The following PCDHA2 variants were observed in gnomAD, a reference collection of about 807,000 sequenced individuals.
PCDHA2 encodes the protein protocadherin alpha 2.
A neutral mutation model predicts 66.0 loss-of-function variants in PCDHA2; 58 were observed. The ratio of observed to expected loss-of-function variants is 0.88; its 90% CI spans 0.71 to 1.09. The LOEUF is 1.09. Among genes scored for constraint, PCDHA2 ranks in the 50% least tolerant of loss-of-function variants. The pLI is 0.00. For synonymous variants in PCDHA2, 634 were observed against 554.0 expected (o/e 1.14, Z -2.03); for missense variants, 1,267 against 1,242.3 (o/e 1.02, Z -0.30).
Position 140,796,973 on chromosome 5 carries a change from T to A in PCDHA2, c.2009T>A (p.Val670Glu). 3 of 1,613,656 alleles carry A rather than the reference T, an allele frequency of 1.9e-6. No individual in the cohort carries two copies. Among genetic ancestry groups the A allele is most frequent in the Non-Finnish European group, 1.7e-6 (2 of 1,179,930 alleles). ...ACGGCCACCGTGTTAGTGTCGTTGGTGGAAAGTGGCCAGGCACCCAAGGCC... is the reference window on the plus strand; with the variant it reads ...ACGGCCACCGTGTTAGTGTCGTTGGAGGAAAGTGGCCAGGCACCCAAGGCC... ...TATATVLVSL[V>E]ESGQAPKASS... The change falls in exon 1 of 4, where the codon GTG (valine) becomes GAG (glutamate). Residue 670 changes from valine to glutamate, a missense_variant. Coordinates refer to ENST00000526136, the MANE Select transcript of PCDHA2 (RefSeq NM_018905.3).
In PCDHA2 at chr5:140,851,131, G is replaced by T. The variant is rs2041968794; in HGVS notation, c.2388+53779G>T. The T allele has an allele frequency of 4.6e-6, 6 of 1,310,148 alleles. No individual in the cohort carries two copies. In the East Asian group the frequency reaches 1.6e-4, roughly 35 times the overall value. The allele number at this position is 1,310,148 out of a possible 1,614,324, so 81.2% of individuals were successfully genotyped here. ...CTGAATCAATTTTATTTAAATTTGT[G>T]ATTAAAGTGACATTGAATTTCTGAT... On this transcript the variant is annotated intron_variant, in intron 1 of 3. Coordinates refer to ENST00000526136, the MANE Select transcript of PCDHA2 (RefSeq NM_018905.3).
intron 1 of PCDHA2, among the ~76,000 whole-genome samples, chr5:140,894,090 C>T (rs1554185919): frequency 6.6e-6 from 1 of 152,154 alleles, no homozygotes; most frequent in African/African-American, 2.4e-5. Flanking sequence ...CCAGTATCTT[C>T]TAGCTCCTGG....
At chr5:141,007,030 A>G (rs1554261014) in intron 3 of PCDHA2, among the ~76,000 whole-genome samples, 1 of 152,186 alleles carries the variant, frequency 6.6e-6, no homozygotes, top group African/African-American at 2.4e-5. Flanking sequence ...TATGGTATTT[A>G]TATCTATGGA....
intron 1 of PCDHA2, chr5:140,927,902 C>T (rs782319959): frequency 1.5e-5 from 25 of 1,614,182 alleles, no homozygotes; most frequent in Non-Finnish European, 2.1e-5. Flanking sequence ...AACGATCATG[C>T]CCCCGAACTG....
chr5:140,850,629 G>C, intron 1 of PCDHA2: 1 of 1,598,736 alleles, frequency 6.3e-7, no homozygotes, highest in South Asian at 1.1e-5. Flanking sequence ...TAGCCTGTTG[G>C]TTCTCACGCT....
chr5:140,930,798 G>T (rs1339622831), intron 1 of PCDHA2, among the ~76,000 whole-genome samples: 1 of 152,094 alleles, frequency 6.6e-6, no homozygotes, highest in Non-Finnish European at 1.5e-5. Flanking sequence ...ATAGAATCCA[G>T]CATATAAGAT....
chr5:140,849,581 C>A, intron 1 of PCDHA2: 7 of 1,598,698 alleles, frequency 4.4e-6, no homozygotes, highest in African/African-American at 2.7e-5. Flanking sequence ...TAAAAGAGGA[C>A]GCACAACTGG....
chr5:140,827,196 A>C (rs2150146637), intron 1 of PCDHA2, among the ~76,000 whole-genome samples: 11 of 152,334 alleles, frequency 7.2e-5, no homozygotes, highest in Non-Finnish European at 1.3e-4. Context: ...AAAACTTGGA[A>C]GTGAGTGAGA....
At chr5:140,869,323 C>T in intron 1 of PCDHA2, 1 of 1,613,864 alleles carries the variant, frequency 6.2e-7, no homozygotes, top group South Asian at 1.1e-5. Flanking sequence ...ACATGGGGAC[C>T]TTCTGGAGGT....
In PCDHA2 at chr5:140,943,486, T is replaced by C. The variant is rs573341102; in HGVS notation, c.2389-35463T>C. Among the ~76,000 whole-genome samples the C allele has an allele frequency of 2.6e-5, 4 of 152,178 alleles. No homozygotes were observed. The South Asian group carries it at 8.3e-4, about 32-fold the overall frequency. Reference sequence around the variant, plus strand: ...GTGGGAGATACAGTAAAATAATAAATAGATGCTATCAAGGTTCATGGAAAT... The same window carrying C: ...GTGGGAGATACAGTAAAATAATAAACAGATGCTATCAAGGTTCATGGAAAT... On this transcript the variant is annotated intron_variant, in intron 1 of 3. Coordinates refer to ENST00000526136, the MANE Select transcript of PCDHA2 (RefSeq NM_018905.3).
chr5:140,968,267 A>G, intron 1 of PCDHA2: 1 of 1,613,984 alleles, frequency 6.2e-7, no homozygotes, highest in Non-Finnish European at 8.5e-7. Flanking sequence ...TGAAAAGGAG[A>G]ATGCAGAGGT....
rs200121350 is a variant in PCDHA2 at position 140,876,941 on chromosome 5, T to C, written c.2388+79589T>C. The C allele has an allele frequency of 7.9e-5, 128 of 1,613,666 alleles. No individual in the cohort carries two copies. The Middle Eastern group carries it at 1.4e-3, about 17-fold the overall frequency. ...GCGGACGCGCAGAAGAACGCGCTGGTGTCCTACTCGCTGGTGGAGCGGCGG... is the reference window on the plus strand; with the variant it reads ...GCGGACGCGCAGAAGAACGCGCTGGCGTCCTACTCGCTGGTGGAGCGGCGG... On this transcript the variant is annotated intron_variant, in intron 1 of 3. Coordinates refer to ENST00000526136, the MANE Select transcript of PCDHA2 (RefSeq NM_018905.3).
At chr5:140,966,405 A>G (rs562045428) in intron 1 of PCDHA2, 6 of 404,248 alleles carry the variant, frequency 1.5e-5, no homozygotes, top group African/African-American at 1.2e-4. Context: ...TCGGCGCGGA[A>G]TCAGAGCAGG....
chr5:140,868,737 T>C (rs1479223301), intron 1 of PCDHA2: 1 of 203,404 alleles, frequency 4.9e-6, no homozygotes, highest in African/African-American at 2.3e-5. Context: ...AATCGAGAAA[T>C]ACAATGCCAT....
intron 1 of PCDHA2, among the ~76,000 whole-genome samples, chr5:140,956,438 G>A (rs891696288): frequency 1.3e-5 from 2 of 152,154 alleles, no homozygotes; most frequent in Non-Finnish European, 2.9e-5. Context: ...TTCTGCTTAT[G>A]TGATGAATTA....
At chr5:140,882,860 A>G in intron 1 of PCDHA2, 1 of 1,614,218 alleles carries the variant, frequency 6.2e-7, no homozygotes, top group Non-Finnish European at 8.5e-7. Context: ...TGTACTGAGG[A>G]AAACACTGGA....
intron 1 of PCDHA2, chr5:140,969,097 C>G (rs2096295003): frequency 6.2e-7 from 1 of 1,614,072 alleles, no homozygotes; most frequent in African/African-American, 1.3e-5. Flanking sequence ...TGCAGCCTCA[C>G]TTCATTGAAG....
At chr5:140,939,207 T>C (rs1013809748) in intron 1 of PCDHA2, among the ~76,000 whole-genome samples, 1 of 152,180 alleles carries the variant, frequency 6.6e-6, no homozygotes, top group Non-Finnish European at 1.5e-5. Context: ...GAATGTCACC[T>C]TCTTGCTGTC....
intron 1 of PCDHA2, chr5:140,836,377 T>C (rs2150259122): frequency 1.2e-6 from 2 of 1,613,612 alleles, no homozygotes; most frequent in Non-Finnish European, 1.7e-6. Context: ...ACAGCCACCG[T>C]GCTGGTGTCG....
Sources: gnomAD v4.1 joint callset for allele counts (sites outside exome capture counted in the v4.1 genomes callset) on GRCh38, gnomAD v4.1.1 for gene constraint, MANE v1.5 for transcripts, NCBI Gene and HGNC (gene_info 2026-07-23, HGNC 2026-07-21) for gene names.